Variants in FYCO1 observed in about 807,000 individuals in gnomAD.
FYCO1 encodes the protein FYVE and coiled-coil domain-containing protein 1.
In FYCO1, 122 loss-of-function variants were observed where a neutral mutation model predicts 165.1. That is an observed-to-expected ratio of 0.74 (90% CI 0.64 to 0.86). The LOEUF is 0.86. Among genes scored for constraint, FYCO1 ranks in the 40% least tolerant of loss-of-function variants. The probability of loss-of-function intolerance (pLI) is 0.00; values close to 1 mark genes in which losing one functional copy is unlikely to be tolerated. For synonymous variants in FYCO1, 648 were observed against 742.5 expected, an observed-to-expected ratio of 0.87 and a Z score of 2.07; for missense variants, 1,702 against 1,810.3, an observed-to-expected ratio of 0.94 and a Z score of 1.09.
rs35937665 is a variant in FYCO1, at chr3:45,968,271, G to A, written c.1063C>T (p.Arg355Trp). The change falls in exon 8 of 18, where the codon CGG (arginine) becomes TGG (tryptophan). Residue 355 changes from arginine (R) to tryptophan (W), a missense_variant. Physicochemically the swap from Arg to Trp is moderately radical, Grantham distance 101 (BLOSUM62 -3). Transcript: ENST00000296137. ...TGGTTTTTCTTGTCCAGTGAGTCCCGTGTGGCCTCAAGCTCCTGTGCCAAG... is the reference window on the plus strand; with the variant it reads ...TGGTTTTTCTTGTCCAGTGAGTCCCATGTGGCCTCAAGCTCCTGTGCCAAG... ...QPLAQELEAT[R>W]DSLDKKNQHL... 5.3e-4 allele frequency: 857 copies of A among 1,613,902 alleles called. 4 individuals carry two copies. In the African/African-American group the frequency reaches 9.7e-3, roughly 18 times the overall value.
chr3:45,963,634 C>T (rs1705825981), intron 10 of FYCO1, among the ~76,000 whole-genome samples: 1 of 152,318 alleles, frequency 6.6e-6, no homozygotes, highest in East Asian at 1.9e-4. Flanking sequence ...AGCAACTCCT[C>T]CTCCCTGCTA....
chr3:45,952,865 G>A (rs887872004), intron 14 of FYCO1, among the ~76,000 whole-genome samples: 2 of 152,172 alleles, frequency 1.3e-5, no homozygotes, highest in Non-Finnish European at 2.9e-5. Context: ...CCAGGTGATG[G>A]AGGCAGAGTG....
intron 13 of FYCO1, 103 bp downstream of exon 13, chr3:45,958,305 G>A (rs916674468): frequency 5.8e-6 from 6 of 1,035,858 alleles, no homozygotes; most frequent in Admixed American, 2.0e-5. Flanking sequence ...CCTAAGTTTA[G>A]AAAACACTGA....
Position 45,966,671 on chromosome 3 carries a change from T to C in FYCO1, c.2663A>G (p.Gln888Arg). 1.2e-6 allele frequency: 2 copies of C among 1,614,096 alleles called. No homozygotes were observed. The highest frequency in any genetic ancestry group is 4.5e-5 in the East Asian group (2 of 44,882). Residue 888 changes from glutamine to arginine, a missense_variant, in exon 8 of 18, where the codon CAG becomes CGG. Transcript: ENST00000296137. The stretch of plus-strand genomic sequence containing the variant: ...CTCTTGCAGCTCAGCGTGCTCCAGC[T>C]GTGCTTCCTCGGAGCTGCATTTGGC... ...SQAKCSSEEA[Q>R]LEHAELQEQL...
At chr3:45,987,354 A>G (rs1204607542) in intron 1 of FYCO1, among the ~76,000 whole-genome samples, 1 of 152,226 alleles carries the variant, frequency 6.6e-6, no homozygotes, top group Non-Finnish European at 1.5e-5. Flanking sequence ...CACAACTCAT[A>G]TAACTATAAG....
At chr3:45,946,645 T>C (rs1391149374) in intron 14 of FYCO1, 1 of 1,614,208 alleles carries the variant, frequency 6.2e-7, no homozygotes, top group East Asian at 2.2e-5. Context: ...GTGCTGGTCA[T>C]ATCCATCTTC....
chr3:45,926,085 C>A (rs897258692), intron 16 of FYCO1, among the ~76,000 whole-genome samples: 3 of 152,108 alleles, frequency 2.0e-5, no homozygotes, highest in African/African-American at 7.2e-5. Flanking sequence ...ACTGCCCTCA[C>A]TTAGTGAGGA....
At position 45,962,286 on chromosome 3, in the gene FYCO1, C is replaced by T; in HGVS notation, c.3376G>A (p.Asp1126Asn). 6.2e-7 allele frequency: 1 copy of T among 1,614,226 alleles called. No homozygotes were observed. Among genetic ancestry groups the T allele is most frequent in the Non-Finnish European group, 8.5e-7 (1 of 1,180,036 alleles). ...RERNDQKMLADLDDLNRTKKY... is the reference protein window; with the variant it reads ...RERNDQKMLANLDDLNRTKKY... ...TTGGTTCTGTTGAGGTCATCCAGGT[C>T]AGCAAGCATCTTCTGGTCATTCCTC... Residue 1126 changes from aspartate (D) to asparagine (N), a missense_variant, in exon 11 of 18, where the codon GAC becomes AAC. By Grantham distance (23) the Asp-to-Asn change is conservative. Coordinates refer to ENST00000296137, the MANE Select transcript of FYCO1 (RefSeq NM_024513.4). The surrounding 1 kb of genome is among the most constrained non-coding windows in gnomAD (Gnocchi z 4.4).
chr3:45,971,058 T>C (rs908093165), intron 6 of FYCO1, among the ~76,000 whole-genome samples: 1 of 151,786 alleles, frequency 6.6e-6, no homozygotes, highest in Non-Finnish European at 1.5e-5. Flanking sequence ...CTTAAAAAAG[T>C]ATCAGATGTA....
rs6807251 is a variant in FYCO1, at chr3:45,955,179, C to T, written c.3944+70G>A. 4.9e-4 allele frequency: 766 copies of T among 1,556,026 alleles called. 2 individuals carry two copies. The African/African-American group carries it at 9.2e-3, about 19-fold the overall frequency. ...GCTTCCAGTGTCTCACTTTCCTCAT[C>T]CTTTGATAAGAAAGCACAGGGGCCA... On this transcript the variant is annotated intron_variant, in intron 14 of 17. Transcript: ENST00000296137.
At position 45,966,498 on chromosome 3, in the gene FYCO1, C is replaced by T. The variant is rs1257104845; in HGVS notation, c.2836G>A (p.Gly946Ser). ...AKEAASRERE[G>S]LERQVAGLQQ... Reference sequence around the variant, plus strand: ...AGCCCAGCTACTTGGCGCTCCAGGCCCTCTCGCTCCCTTGAGGCTGCCTCT... The same window carrying T: ...AGCCCAGCTACTTGGCGCTCCAGGCTCTCTCGCTCCCTTGAGGCTGCCTCT... Residue 946 changes from glycine to serine, a missense_variant, in exon 8 of 18, where the codon GGC (glycine) becomes AGC (serine). Coordinates refer to ENST00000296137, the MANE Select transcript of FYCO1 (RefSeq NM_024513.4). The T allele has an allele frequency of 6.2e-7, 1 of 1,611,576 alleles. No homozygotes were observed. Among genetic ancestry groups the T allele is most frequent in the Non-Finnish European group, 8.5e-7 (1 of 1,177,866 alleles).
At chr3:45,976,516 A>AGGCTCT (rs1317952849) in intron 4 of FYCO1, among the ~76,000 whole-genome samples, 1 of 152,218 alleles carries the variant, frequency 6.6e-6, no homozygotes, top group Non-Finnish European at 1.5e-5. Flanking sequence ...CTGCTCTCTC[A>AGGCTCT]GGCTCTGGCT....
At chr3:45,952,114 T>C (rs4682799) in intron 14 of FYCO1, among the ~76,000 whole-genome samples, 71,807 of 151,906 alleles carry the variant, frequency 0.47, 18,407 homozygotes, top group South Asian at 0.71. Flanking sequence ...TGAGATAATT[T>C]CCACTCCCTG....
Position 45,967,566 on chromosome 3 carries a change from C to T in FYCO1, c.1768G>A (p.Glu590Lys). Residue 590 changes from glutamate (E) to lysine (K), a missense_variant, in exon 8 of 18, where the codon GAG (glutamate) becomes AAG (lysine). Physicochemically the swap from Glu to Lys is moderately conservative, Grantham distance 56. Coordinates refer to ENST00000296137, the MANE Select transcript of FYCO1 (RefSeq NM_024513.4). ...SLQEAWGKPE[E>K]EQRGLQEAQL... is the part of the protein sequence containing the mutation. The stretch of plus-strand genomic sequence containing the variant: ...GCCTCCTGCAGGCCCCTCTGCTCCT[C>T]CTCTGGCTTCCCCCAGGCCTCTTGC... 1 of 1,614,120 alleles carries T rather than the reference C, an allele frequency of 6.2e-7. No homozygotes were observed. Among genetic ancestry groups the T allele is most frequent in the Non-Finnish European group, 8.5e-7 (1 of 1,180,032 alleles).
rs557452265 is a variant in FYCO1, at chr3:45,931,718, G to A, written c.4041-437C>T. On this transcript the variant is annotated intron_variant, in intron 15 of 17. Coordinates refer to ENST00000296137, the MANE Select transcript of FYCO1 (RefSeq NM_024513.4). ...ATTTCTCCTTCCAGTTCCCTGCCTCGCCCTTTCACCTAATTAGTACAAGCC... is the reference window on the plus strand; with the variant it reads ...ATTTCTCCTTCCAGTTCCCTGCCTCACCCTTTCACCTAATTAGTACAAGCC... Among the ~76,000 whole-genome samples, 11 of 152,194 alleles carry A rather than the reference G, an allele frequency of 7.2e-5. No individual in the cohort carries two copies. In the South Asian group the frequency reaches 1.5e-3, roughly 20 times the overall value.
chr3:45,964,622 CCT>C lies in FYCO1; in HGVS notation c.3151-170_3151-169del. 2.3e-6 allele frequency: 2 copies of C among 886,520 alleles called. No individual in the cohort carries two copies. Among genetic ancestry groups the C allele is most frequent in the Non-Finnish European group, 1.4e-6 (1 of 739,642 alleles). The allele number at this position is 886,520 out of a possible 1,614,324, so 54.9% of individuals were successfully genotyped here. ...GAACCTCTGCTCTATATTTGTGGGGCCTCAACTGCAACTAGTTGTGGTGGTTG... is the reference window on the plus strand; with the variant it reads ...GAACCTCTGCTCTATATTTGTGGGGCCAACTGCAACTAGTTGTGGTGGTTG... On this transcript the variant is annotated intron_variant, in intron 9 of 17. Coordinates refer to ENST00000296137, the MANE Select transcript of FYCO1 (RefSeq NM_024513.4). The surrounding 1 kb of genome is among the most constrained non-coding windows in gnomAD (Gnocchi z 4.1).
chr3:45,943,083 T>A (rs1268409247), intron 14 of FYCO1, among the ~76,000 whole-genome samples: 1 of 152,200 alleles, frequency 6.6e-6, no homozygotes, highest in Non-Finnish European at 1.5e-5. Context: ...ATGCTGGAGC[T>A]GCATATGCAC....
chr3:45,945,667 T>C (rs1249038656), intron 14 of FYCO1: 1 of 152,136 alleles, frequency 6.6e-6, no homozygotes, highest in African/African-American at 2.4e-5. Flanking sequence ...TGTTCAGAAG[T>C]CTTCAGGAAA....
intron 11 of FYCO1, among the ~76,000 whole-genome samples, chr3:45,960,586 T>C (rs1705647558): frequency 6.6e-6 from 1 of 152,204 alleles, no homozygotes; most frequent in African/African-American, 2.4e-5. Flanking sequence ...ATACCCTGAG[T>C]TCTAACTCTG....
Sources: allele counts gnomAD v4.1 joint callset (sites outside exome capture counted in the v4.1 genomes callset), GRCh38; gene constraint gnomAD v4.1.1; non-coding constraint Gnocchi (gnomAD v3.1); transcripts MANE v1.5; gene names NCBI Gene and HGNC (gene_info 2026-07-23, HGNC 2026-07-21).